The following ERBB4 variants were observed in gnomAD, a reference collection of about 807,000 sequenced individuals.
The protein encoded by ERBB4 is erb-b2 receptor tyrosine kinase 4.
In ERBB4, 42 loss-of-function variants were observed where a neutral mutation model predicts 158.0. That is an observed-to-expected ratio of 0.27 (90% CI 0.21 to 0.34). ERBB4 has a LOEUF of 0.34. ERBB4 is among the 10% of genes least tolerant of loss of function. The probability of loss-of-function intolerance (pLI) is 1.00; values close to 1 mark genes in which losing one functional copy is unlikely to be tolerated. For synonymous variants in ERBB4, 583 were observed against 558.7 expected, an observed-to-expected ratio of 1.04 and a Z score of -0.61; for missense variants, 1,333 against 1,624.1, an observed-to-expected ratio of 0.82 and a Z score of 3.08.
At chr2:212,478,264 A>G (rs1324683123) in intron 1 of ERBB4, among the ~76,000 whole-genome samples, 1 of 152,114 alleles carries the variant, frequency 6.6e-6, no homozygotes, top group Admixed American at 6.6e-5. Flanking sequence ...TGTACCAGGC[A>G]TGTTTTCTGG....
chr2:211,741,691 A>G (rs972433910), intron 5 of ERBB4, among the ~76,000 whole-genome samples: 3 of 152,130 alleles, frequency 2.0e-5, no homozygotes, highest in Non-Finnish European at 4.4e-5. Flanking sequence ...AATTTTATAT[A>G]TACCTTTATG....
chr2:212,486,173 T>TATA (rs1340761484), intron 1 of ERBB4, among the ~76,000 whole-genome samples: 1 of 150,882 alleles, frequency 6.6e-6, no homozygotes, highest in Non-Finnish European at 1.5e-5. Context: ...ATAAGGGAGG[T>TATA]ATAATAATAA....
chr2:211,789,738 T>C (rs1226856706), intron 3 of ERBB4, among the ~76,000 whole-genome samples: 1 of 152,060 alleles, frequency 6.6e-6, no homozygotes, highest in Non-Finnish European at 1.5e-5. Flanking sequence ...GAGAAATTCA[T>C]CTCTCTTGTG....
intron 20 of ERBB4, among the ~76,000 whole-genome samples, chr2:211,532,667 T>C (rs565222305): frequency 6.6e-6 from 1 of 152,050 alleles, no homozygotes; most frequent in Non-Finnish European, 1.5e-5. Flanking sequence ...CAATTTTGTG[T>C]GCCAGCTGAA....
intron 3 of ERBB4, among the ~76,000 whole-genome samples, chr2:211,929,234 AGTGTGTGTGTGT>A (rs10542155): frequency 2.0e-5 from 3 of 148,464 alleles, no homozygotes; most frequent in Admixed American, 6.7e-5. Flanking sequence ...CTTTGGAATA[AGTGTGTGTGTGT>A]GTGTGTGTGT....
intron 12 of ERBB4, among the ~76,000 whole-genome samples, chr2:211,692,997 G>A (rs2072878181): frequency 6.6e-6 from 1 of 152,294 alleles, no homozygotes; most frequent in African/African-American, 2.4e-5. Context: ...AGTAAGTGCA[G>A]AAACATACCC....
chr2:211,853,536 G>C (rs2106041478), intron 3 of ERBB4, among the ~76,000 whole-genome samples: 1 of 152,052 alleles, frequency 6.6e-6, no homozygotes, highest in Middle Eastern at 3.4e-3. Context: ...CCCAGTCCTG[G>C]AGATCATTAG....
intron 3 of ERBB4, among the ~76,000 whole-genome samples, chr2:211,924,946 CT>C (rs368322100): frequency 0.048 from 7,295 of 152,190 alleles, 238 homozygotes; most frequent in Middle Eastern, 0.095. Flanking sequence ...TTAGGAAATA[CT>C]TTTTTTCCCC....
At chr2:212,105,006 C>G (rs988215022) in intron 2 of ERBB4, among the ~76,000 whole-genome samples, 3 of 144,090 alleles carry the variant, frequency 2.1e-5, no homozygotes, top group African/African-American at 8.1e-5. Context: ...CATCAACGTC[C>G]TTTCTCTTTC....
chr2:211,641,124 C>T (rs1195589806), intron 16 of ERBB4, among the ~76,000 whole-genome samples: 8 of 152,096 alleles, frequency 5.3e-5, no homozygotes, highest in Admixed American at 1.3e-4. Flanking sequence ...AATAGCTTCA[C>T]ATTTTTAATT....
Position 211,915,649 on chromosome 2 carries a change from T to A in ERBB4, c.421+31781A>T, listed in dbSNP as rs577595495. Among the ~76,000 whole-genome samples, 3 of 151,366 alleles carry A rather than the reference T, an allele frequency of 2.0e-5. No individual in the cohort carries two copies. In the South Asian group the frequency reaches 6.3e-4, roughly 32 times the overall value. On this transcript the variant is annotated intron_variant, in intron 3 of 27. Coordinates refer to ENST00000342788, the MANE Select transcript of ERBB4 (RefSeq NM_005235.3). ...CTTGGAATGACAAAAAAACAAGGAG[T>A]CTGGGCAGGCCAAGTTTAAAGATCA... is the stretch of plus-strand genomic sequence containing the variant.
At chr2:211,682,141 T>C (rs1282510434) in intron 12 of ERBB4, among the ~76,000 whole-genome samples, 4 of 150,650 alleles carry the variant, frequency 2.7e-5, no homozygotes, top group Non-Finnish European at 5.9e-5. Flanking sequence ...ATCTTCCACC[T>C]GAAAGCTGGA....
At position 211,673,222 on chromosome 2, in the gene ERBB4, A is replaced by C. The variant is rs1200032972; in HGVS notation, c.1658T>G (p.Val553Gly). 6.2e-7 allele frequency: 1 copy of C among 1,613,772 alleles called. No individual in the cohort carries two copies. Among genetic ancestry groups the C allele is most frequent in the East Asian group, 2.2e-5 (1 of 44,892 alleles). ...CTTCTCACACTGGGGGTCACACTCC[A>C]CACAGATGGAGCCATTCTCAAACTC... Reference protein sequence around the residue: ...FREFENGSICVECDPQCEKME... With the variant: ...FREFENGSICGECDPQCEKME... Residue 553 changes from valine (V) to glycine (G), a missense_variant, in exon 14 of 28, where the codon GTG becomes GGG. Coordinates refer to ENST00000342788, the MANE Select transcript of ERBB4 (RefSeq NM_005235.3).
At chr2:212,032,735 T>G (rs1279926221) in intron 2 of ERBB4, among the ~76,000 whole-genome samples, 1 of 152,000 alleles carries the variant, frequency 6.6e-6, no homozygotes, top group African/African-American at 2.4e-5. Flanking sequence ...ACTGACCCTA[T>G]TTCTACAGAC....
At chr2:212,275,201 T>C (rs1460884349) in intron 1 of ERBB4, among the ~76,000 whole-genome samples, 1 of 152,010 alleles carries the variant, frequency 6.6e-6, no homozygotes, top group Non-Finnish European at 1.5e-5. Flanking sequence ...GTTCCAAGTC[T>C]TTGCTATTGT....
At chr2:211,906,030 AC>A (rs1429002043) in intron 3 of ERBB4, among the ~76,000 whole-genome samples, 1 of 151,990 alleles carries the variant, frequency 6.6e-6, no homozygotes, top group African/African-American at 2.4e-5. Context: ...GAGGTAGCAC[AC>A]CTACAGCCTT....
At chr2:211,894,241 A>G (rs1243239361) in intron 3 of ERBB4, among the ~76,000 whole-genome samples, 2 of 142,860 alleles carry the variant, frequency 1.4e-5, no homozygotes, top group African/African-American at 5.3e-5. Flanking sequence ...ATAAAAAATG[A>G]TGAGTTCGTG....
intron 3 of ERBB4, among the ~76,000 whole-genome samples, chr2:211,945,681 G>A (rs531347308): frequency 8.6e-5 from 13 of 151,846 alleles, no homozygotes; most frequent in African/African-American, 2.2e-4. Flanking sequence ...GCACTTACTC[G>A]GTATGAAGTA....
At chr2:211,474,975 C>A (rs554159164) in intron 20 of ERBB4, among the ~76,000 whole-genome samples, 1 of 151,918 alleles carries the variant, frequency 6.6e-6, no homozygotes, top group African/African-American at 2.4e-5. Flanking sequence ...AAATGGGAAG[C>A]TAAGTCAGGG....
Sources: allele counts gnomAD v4.1 joint callset (sites outside exome capture counted in the v4.1 genomes callset), GRCh38; gene constraint gnomAD v4.1.1; transcripts MANE v1.5; gene names NCBI Gene and HGNC (gene_info 2026-07-23, HGNC 2026-07-21).